The following TMEM150B variants were observed in gnomAD, a reference collection of about 807,000 sequenced individuals.
TMEM150B encodes transmembrane protein 150B.
Under a neutral mutation model 25.2 loss-of-function variants are expected in TMEM150B, and 33 were observed. The observed-to-expected ratio is 1.31, with a 90% CI of 0.99 to 1.75. The LOEUF (loss-of-function observed/expected upper bound fraction) is 1.75, where lower values mean the gene tolerates loss of function less well. Ranked by LOEUF, TMEM150B falls within the 40% of genes most tolerant of loss-of-function variation. TMEM150B has a pLI of 0.00. For synonymous variants in TMEM150B, 133 were observed against 134.8 expected, an observed-to-expected ratio of 0.99 and a Z score of 0.09; for missense variants, 322 against 306.1, an observed-to-expected ratio of 1.05 and a Z score of -0.39.
At chr19:55,311,955 C>A (rs759885128), downstream of TMEM150B, 29 of 1,609,306 alleles carry the variant, frequency 1.8e-5, no homozygotes, top group Non-Finnish European at 2.4e-5. Context: ...TGCCCCACCC[C>A]GAAGCCTGCA....
chr19:55,320,964 C>G lies in TMEM150B; in HGVS notation c.68+5G>C, dbSNP rs1172976241. The G allele has an allele frequency of 4.3e-6, 7 of 1,613,588 alleles. No individual in the cohort carries two copies. The highest frequency in any genetic ancestry group is 1.3e-5 in the African/African-American group (1 of 74,902). ...CCAGGAGTCCATCATGCCTCTGACA[C>G]TCACACGATCCAGACGCCAGAGATA... On this transcript the variant is annotated splice_donor_5th_base_variant and intron_variant, in intron 3 of 7. Coordinates refer to ENST00000326652, the MANE Select transcript of TMEM150B (RefSeq NM_001282011.2).
chr19:55,316,795 T>C lies in TMEM150B; in HGVS notation c.496A>G (p.Ile166Val). 6.5e-7 allele frequency: 1 copy of C among 1,527,678 alleles called. No individual in the cohort carries two copies. The allele number at this position is 1,527,678 out of a possible 1,614,324, so 94.6% of individuals were successfully genotyped here. ...LGLCSVCTIL[I>V]VAMIVLHACS... is the part of the protein sequence containing the mutation. ...GATACAAGAAGGATACTGGCCACAA[T>C]GAGGATGGTGCAGACGCTGCAGAGG... The change falls in exon 7 of 8, where the codon ATT becomes GTT. Residue 166 changes from isoleucine (I) to valine (V), a missense_variant. Ile to Val is a conservative substitution (Grantham distance 29). Transcript: ENST00000326652.
rs1198453210 is a variant in TMEM150B at position 55,321,085 on chromosome 19, C to G, written c.-49G>C. ...CGGGGCTGAGGCTGGACACCTGTCT[C>G]TCTCACACCTGAAGAACCAGCCCTC... On this transcript the variant is annotated 5_prime_UTR_variant, in exon 3 of 8. Transcript: ENST00000326652. The G allele has an allele frequency of 1.3e-6, 2 of 1,581,920 alleles. No homozygotes were observed. The highest frequency in any genetic ancestry group is 3.7e-5 in the Admixed American group (2 of 54,564).
At chr19:55,316,439 G>A (rs868836854) in intron 7 of TMEM150B, among the ~76,000 whole-genome samples, 11 of 152,068 alleles carry the variant, frequency 7.2e-5, no homozygotes, top group Middle Eastern at 3.4e-3. Context: ...TTGGTCACTC[G>A]CTATGTGCCA....
chr19:55,312,106 C>G, downstream of TMEM150B: 1 of 990,284 alleles, frequency 1.0e-6, no homozygotes. Context: ...CCCCCTCCAC[C>G]CCCCTTCCGT....
intron 7 of TMEM150B, among the ~76,000 whole-genome samples, chr19:55,316,183 G>T (rs2088990292): frequency 6.6e-6 from 1 of 152,114 alleles, no homozygotes; most frequent in African/African-American, 2.4e-5. Flanking sequence ...TCCCATGATG[G>T]CTATTTCAAG....
chr19:55,312,782 G>A, downstream of TMEM150B: 1 of 1,410,904 alleles, frequency 7.1e-7, no homozygotes. Flanking sequence ...GGCTCATCTT[G>A]CTGGGTGCGG....
chr19:55,321,636 T>A (rs372305080), intron 2 of TMEM150B, among the ~76,000 whole-genome samples: 6 of 152,216 alleles, frequency 3.9e-5, no homozygotes, highest in African/African-American at 1.4e-4. Context: ...TCCAGCTTTG[T>A]GGGTTCAACG....
intron 2 of TMEM150B, among the ~76,000 whole-genome samples, chr19:55,321,554 A>C (rs1332524656): frequency 6.6e-6 from 1 of 152,038 alleles, no homozygotes; most frequent in Non-Finnish European, 1.5e-5. Flanking sequence ...CTCTACCTCC[A>C]AACCGCCATG....
chr19:55,321,443 C>T (rs1013931585), intron 2 of TMEM150B, among the ~76,000 whole-genome samples: 1 of 151,994 alleles, frequency 6.6e-6, no homozygotes, highest in African/African-American at 2.4e-5. Context: ...GGCTGGCATT[C>T]GGGATGGGGC....
In TMEM150B at chr19:55,320,458, G is replaced by T. The variant is rs757392580; in HGVS notation, c.129C>A (p.Ser43Arg). 2 of 1,595,616 alleles carry T rather than the reference G, an allele frequency of 1.3e-6. No homozygotes were observed. Among genetic ancestry groups the T allele is most frequent in the African/African-American group, 2.7e-5 (2 of 74,442 alleles). ...TCTGAGGGGGGAAGGATCCGCAGAT[G>T]CTGGGGAAGACAAAGGGGTCATCCT... ...VDLSKGFPYI[S>R]ICGSFPPQSC... The change falls in exon 5 of 8, where the codon AGC becomes AGA. Residue 43 changes from serine (S) to arginine (R), a missense_variant and splice_region_variant. Ser to Arg is a moderately radical substitution (Grantham distance 110). Transcript: ENST00000326652.
chr19:55,321,788 C>T lies in TMEM150B; in HGVS notation c.-57-695G>A, dbSNP rs1373447400. Among the ~76,000 whole-genome samples the T allele has an allele frequency of 2.6e-5, 4 of 152,132 alleles. No individual in the cohort carries two copies. In the East Asian group the frequency reaches 7.7e-4, roughly 29 times the overall value. On this transcript the variant is annotated intron_variant, in intron 2 of 7. Coordinates refer to ENST00000326652, the MANE Select transcript of TMEM150B (RefSeq NM_001282011.2). ...CTCCAGCTCCTGATGTCCAACCTCC[C>T]AGCTCTTACCTACTCGGGTACCCAA...
Position 55,312,971 on chromosome 19 carries a change from C to T in TMEM150B, c.590G>A (p.Gly197Asp), listed in dbSNP as rs756153866. The T allele has an allele frequency of 5.0e-6, 8 of 1,613,608 alleles. 1 individual carries two copies. In the Admixed American group the frequency reaches 1.2e-4, roughly 24 times the overall value. ...VVAMLLFALF[G>D]LLAVDFSALE... ...GGCGGAGAAGTCAACGGCTAAGAGA[C>T]CGAAGAGCGCGAACAGCAGCATGGC... is the stretch of plus-strand genomic sequence containing the variant. Residue 197 changes from glycine (G) to aspartate (D), a missense_variant, in exon 8 of 8, where the codon GGT (glycine) becomes GAT (aspartate). Transcript: ENST00000326652.
downstream of TMEM150B, chr19:55,312,720 C>G: frequency 2.0e-6 from 2 of 1,013,724 alleles, no homozygotes; most frequent in Non-Finnish European, 2.8e-6. Flanking sequence ...CACAGGTCCT[C>G]CGGCTCCAGG....
At chr19:55,312,709 A>T (rs1056150027), downstream of TMEM150B, 1 of 761,900 alleles carries the variant, frequency 1.3e-6, no homozygotes, top group Non-Finnish European at 2.0e-6. Flanking sequence ...CCGCGCCGGC[A>T]CACAGGTCCT....
At chr19:55,312,002 C>T (rs2088810286), downstream of TMEM150B, 1 of 1,530,092 alleles carries the variant, frequency 6.5e-7, no homozygotes, top group African/African-American at 1.4e-5. Flanking sequence ...AGCTGAGCAG[C>T]TCTCCCCGCC....
In TMEM150B at chr19:55,320,600, G is replaced by C; in HGVS notation, c.86C>G (p.Thr29Ser). The C allele has an allele frequency of 6.2e-7, 1 of 1,613,984 alleles. No individual in the cohort carries two copies. Among genetic ancestry groups the C allele is most frequent in the Non-Finnish European group, 8.5e-7 (1 of 1,179,966 alleles). The change falls in exon 4 of 8, where the codon ACC becomes AGC. Residue 29 changes from threonine (T) to serine (S), a missense_variant. Transcript: ENST00000326652. ...GVWIVFAIAV[T>S]NRTVDLSKGF... Reference sequence around the variant, plus strand: ...TTTACTGAGGTCCACAGTCCTGTTGGTCACTGCAATGGCAAAACTACGGAG... The same window carrying C: ...TTTACTGAGGTCCACAGTCCTGTTGCTCACTGCAATGGCAAAACTACGGAG...
intron 2 of TMEM150B, among the ~76,000 whole-genome samples, chr19:55,321,901 C>T (rs1321515838): frequency 6.6e-6 from 1 of 152,140 alleles, no homozygotes; most frequent in Non-Finnish European, 1.5e-5. Flanking sequence ...CCTGCCTCCT[C>T]CCCTCCACTC....
chr19:55,317,173 A>G (rs1181836682), intron 6 of TMEM150B, among the ~76,000 whole-genome samples: 1 of 152,224 alleles, frequency 6.6e-6, no homozygotes, highest in Non-Finnish European at 1.5e-5. Context: ...CTCAATTCCT[A>G]GAACAGTGAT....
Sources: gnomAD v4.1 joint callset for allele counts (sites outside exome capture counted in the v4.1 genomes callset) on GRCh38, gnomAD v4.1.1 for gene constraint, MANE v1.5 for transcripts, NCBI Gene and HGNC (gene_info 2026-07-23, HGNC 2026-07-21) for gene names.